The following SERTAD4 variants were observed in gnomAD, a reference collection of about 807,000 sequenced individuals.
The protein encoded by SERTAD4 is SERTA domain containing 4, also known as SERTA domain-containing protein 4.
Under a neutral mutation model 32.9 loss-of-function variants are expected in SERTAD4, and 18 were observed. That is an observed-to-expected ratio of 0.55 (90% confidence interval 0.38 to 0.81). The LOEUF is 0.81. Ranked by LOEUF, SERTAD4 falls within the 30% of genes least tolerant of loss-of-function variation. SERTAD4 has a pLI of 0.00. For synonymous variants in SERTAD4, 150 were observed against 156.4 expected (o/e 0.96, Z 0.30); for missense variants, 383 against 426.0 (o/e 0.90, Z 0.89).
Position 210,243,022 on chromosome 1 carries a change from TTTATC to T in SERTAD4, c.*689_*693del, listed in dbSNP as rs773018835. The T allele has an allele frequency of 6.1e-6, 6 of 984,326 alleles. No individual in the cohort carries two copies. The highest frequency in any genetic ancestry group is 7.2e-6 in the Non-Finnish European group (6 of 829,770). The allele number at this position is 984,326 out of a possible 1,614,324, so 61.0% of individuals were successfully genotyped here. A position where few individuals can be genotyped will look rare whatever the true frequency, so the allele number is the denominator to read the frequency against. ...ACAGGGCGATTTTTGGTGCCTTACTTTTATCTTAATTTTTGCCAATGTGAAAATTA... is the reference window on the plus strand; with the variant it reads ...ACAGGGCGATTTTTGGTGCCTTACTTTTAATTTTTGCCAATGTGAAAATTA... On this transcript the variant is annotated 3_prime_UTR_variant, in exon 4 of 4. Coordinates refer to ENST00000367012, the MANE Select transcript of SERTAD4 (RefSeq NM_019605.5).
At chr1:210,233,563 C>T in intron 1 of SERTAD4, 1 of 408,392 alleles carries the variant, frequency 2.4e-6, no homozygotes, top group Non-Finnish European at 4.9e-6. Flanking sequence ...CCGCCACCTC[C>T]GCCCCCGCAC....
In SERTAD4 at chr1:210,245,940, C is replaced by CT. The variant is rs964746431; in HGVS notation, c.*3609dup. 6 of 984,728 alleles carry CT rather than the reference C, an allele frequency of 6.1e-6. No homozygotes were observed. Among genetic ancestry groups the CT allele is most frequent in the South Asian group, 9.4e-5 (2 of 21,276 alleles). The allele number at this position is 984,728 out of a possible 1,614,324, so 61.0% of individuals were successfully genotyped here. Reference sequence around the variant, plus strand: ...CTTCTAACAAATGGTGAGCAGGAGACTTTTTTGGAAATAATTAGTTGTGAA... The same window carrying CT: ...CTTCTAACAAATGGTGAGCAGGAGACTTTTTTTGGAAATAATTAGTTGTGAA... On this transcript the variant is annotated 3_prime_UTR_variant, in exon 4 of 4. Coordinates refer to ENST00000367012, the MANE Select transcript of SERTAD4 (RefSeq NM_019605.5).
Position 210,245,093 on chromosome 1 carries a change from T to G in SERTAD4, c.*2756T>G, listed in dbSNP as rs150434243. The G allele has an allele frequency of 4.0e-4, 61 of 152,258 alleles. No individual in the cohort carries two copies. Among genetic ancestry groups the G allele is most frequent in the African/African-American group, 1.4e-3 (58 of 41,538 alleles). 9.4% of individuals were successfully genotyped at this position (152,258 alleles called of 1,614,324 possible). ...AGGACACCCTTCATAGTAAGTTATA[T>G]CTCTTAACTGGATTCTATAGTTTTA... On this transcript the variant is annotated 3_prime_UTR_variant, in exon 4 of 4. Coordinates refer to ENST00000367012, the MANE Select transcript of SERTAD4 (RefSeq NM_019605.5).
Position 210,243,618 on chromosome 1 carries a change from C to G in SERTAD4, c.*1281C>G, listed in dbSNP as rs966879269. On this transcript the variant is annotated 3_prime_UTR_variant, in exon 4 of 4. Transcript: ENST00000367012. The stretch of plus-strand genomic sequence containing the variant: ...TAATAGTTACTATGTATTTGGTCTA[C>G]ATTTTCCAAATAATATCTTTAACTT... 1.3e-5 allele frequency: 2 copies of G among 152,138 alleles called. No individual in the cohort carries two copies. The highest frequency in any genetic ancestry group is 2.9e-5 in the Non-Finnish European group (2 of 68,016). 9.4% of individuals were successfully genotyped at this position (152,138 alleles called of 1,614,324 possible). A position where few individuals can be genotyped will look rare whatever the true frequency, so the allele number is the denominator to read the frequency against.
In SERTAD4 at chr1:210,242,061, C is replaced by A. The variant is rs1281886340; in HGVS notation, c.795C>A (p.Ile265=). 1 of 1,614,120 alleles carries A rather than the reference C, an allele frequency of 6.2e-7. No homozygotes were observed. The highest frequency in any genetic ancestry group is 8.5e-7 in the Non-Finnish European group (1 of 1,180,032). ...ATGGCCAGATACCTGCCAATGAAAT[C>A]TTTGTCACTAATGTCAGATCACTTG... ...KSDGQIPANE[I]FVTNVRSLGV... Residue 265 remains isoleucine (I), a synonymous_variant, in exon 4 of 4, where the codon ATC becomes ATA. Transcript: ENST00000367012. The surrounding 1 kb of genome is among the most constrained non-coding windows in gnomAD (Gnocchi z 4.0).
chr1:210,241,546 T>TGGTTTG lies in SERTAD4; in HGVS notation c.292-12_292-11insGGTTTG. 2.7e-6 allele frequency: 4 copies of TGGTTTG among 1,487,418 alleles called. No homozygotes were observed. The highest frequency in any genetic ancestry group is 2.1e-4 in the Middle Eastern group (1 of 4,784). 92.1% of individuals were successfully genotyped at this position (1,487,418 alleles called of 1,614,324 possible). Reference sequence around the variant, plus strand: ...TGTTTGTTTTTTTCTTTTTTTTTTTTTTGGTTTGTAGACCATCTCAATTTT... The same window carrying TGGTTTG: ...TGTTTGTTTTTTTCTTTTTTTTTTTTGGTTTGTTGGTTTGTAGACCATCTCAATTTT... On this transcript the variant is annotated splice_polypyrimidine_tract_variant and intron_variant, in intron 3 of 3. Coordinates refer to ENST00000367012, the MANE Select transcript of SERTAD4 (RefSeq NM_019605.5).
At position 210,245,580 on chromosome 1, in the gene SERTAD4, T is replaced by C. The variant is rs2084040828; in HGVS notation, c.*3243T>C. On this transcript the variant is annotated 3_prime_UTR_variant, in exon 4 of 4. Transcript: ENST00000367012. ...ACCAGCAGATGCCACTACCTGGCAA[T>C]GAATTGAAAATTAGGGGAAAGCATC... The C allele has an allele frequency of 6.3e-6, 1 of 157,508 alleles. No homozygotes were observed. Among genetic ancestry groups the C allele is most frequent in the Non-Finnish European group, 1.4e-5 (1 of 72,924 alleles). The allele number at this position is 157,508 out of a possible 1,614,324, so 9.8% of individuals were successfully genotyped here. A position where few individuals can be genotyped will look rare whatever the true frequency, so the allele number is the denominator to read the frequency against.
At chr1:210,234,271 T>C (rs2083918819) in intron 1 of SERTAD4, among the ~76,000 whole-genome samples, 1 of 151,646 alleles carries the variant, frequency 6.6e-6, no homozygotes, top group Non-Finnish European at 1.5e-5. Flanking sequence ...CCTCCAAACC[T>C]CGGACCCCAC....
chr1:210,241,553 TG>T lies in SERTAD4; in HGVS notation c.292-4del, dbSNP rs1571550602. 6 of 1,535,210 alleles carry T rather than the reference TG, an allele frequency of 3.9e-6. No homozygotes were observed. The highest frequency in any genetic ancestry group is 2.7e-5 in the South Asian group (2 of 75,210). ...TTTTTTCTTTTTTTTTTTTTTGGTTTGTAGACCATCTCAATTTTTGAGGAAC... is the reference window on the plus strand; with the variant it reads ...TTTTTTCTTTTTTTTTTTTTTGGTTTTAGACCATCTCAATTTTTGAGGAAC... On this transcript the variant is annotated splice_polypyrimidine_tract_variant and splice_region_variant and intron_variant, in intron 3 of 3. Transcript: ENST00000367012.
At position 210,236,094 on chromosome 1, in the gene SERTAD4, AC is replaced by A. The variant is rs34846160; in HGVS notation, c.-17-1847del. On this transcript the variant is annotated intron_variant, in intron 1 of 3. Transcript: ENST00000367012. The stretch of plus-strand genomic sequence containing the variant: ...GGAATAAATCATCATGAAGTTTGAT[AC>A]CCTACTTGGATGAGGAGTTTGAGAA... Among the ~76,000 whole-genome samples the A allele has an allele frequency of 1.2e-3, 176 of 152,362 alleles. 2 individuals are homozygous for A. The highest frequency in any genetic ancestry group is 4.0e-3 in the African/African-American group (166 of 41,586).
rs542431670 is a variant in SERTAD4 at position 210,236,174 on chromosome 1, T to C, written c.-17-1770T>C. Reference sequence around the variant, plus strand: ...AATCAATGTAGGCTAAATTTCTTTGTTGATGACTCAAAGAGAAAAATAAAT... The same window carrying C: ...AATCAATGTAGGCTAAATTTCTTTGCTGATGACTCAAAGAGAAAAATAAAT... On this transcript the variant is annotated intron_variant, in intron 1 of 3. Coordinates refer to ENST00000367012, the MANE Select transcript of SERTAD4 (RefSeq NM_019605.5). Among the ~76,000 whole-genome samples the C allele has an allele frequency of 3.3e-5, 5 of 152,372 alleles. No individual in the cohort carries two copies. The East Asian group carries it at 9.6e-4, about 29-fold the overall frequency.
In SERTAD4 at chr1:210,241,711, T is replaced by G. The variant is rs2083996924; in HGVS notation, c.445T>G (p.Trp149Gly). ...TGGAGAAATTATCATGCAGAATAAC[T>G]GGTGCTTCCCTGCCTGCTCTTTCAA... ...IHGEIIMQNN[W>G]CFPACSFNGT... The change falls in exon 4 of 4, where the codon TGG becomes GGG. Residue 149 changes from tryptophan (W) to glycine (G), a missense_variant. This residue lies in a region of SERTAD4 where 107 missense variants were observed against 158.8 expected (regional missense o/e 0.67). Coordinates refer to ENST00000367012, the MANE Select transcript of SERTAD4 (RefSeq NM_019605.5). The G allele has an allele frequency of 1.9e-6, 3 of 1,614,010 alleles. No individual in the cohort carries two copies. Among genetic ancestry groups the G allele is most frequent in the Admixed American group, 1.7e-5 (1 of 59,998 alleles).
Position 210,241,852 on chromosome 1 carries a change from G to T in SERTAD4, c.586G>T (p.Gly196Cys), listed in dbSNP as rs775194130. 3.1e-6 allele frequency: 5 copies of T among 1,613,936 alleles called. No individual in the cohort carries two copies. The highest frequency in any genetic ancestry group is 3.3e-5 in the Admixed American group (2 of 59,968). Residue 196 changes from glycine (G) to cysteine (C), a missense_variant, in exon 4 of 4, where the codon GGT becomes TGT. Gly to Cys is a radical substitution (Grantham distance 159). Around this residue, in one of 3 missense-constraint regions of SERTAD4, gnomAD observed 180 missense variants for 190.6 expected, o/e 0.94. Transcript: ENST00000367012. ...TGCCTGCTGCTTTTACCAAGAATGT[G>T]GTGGCCACTACCTAAATTTACCCCT... is the stretch of plus-strand genomic sequence containing the variant. ...FHACCFYQEC[G>C]GHYLNLPLSV...
chr1:210,233,018 GC>G lies in SERTAD4; in HGVS notation c.-18+9del, dbSNP rs1352946656. 1 of 151,048 alleles carries G rather than the reference GC, an allele frequency of 6.6e-6. No individual in the cohort carries two copies. Among genetic ancestry groups the G allele is most frequent in the East Asian group, 2.0e-4 (1 of 5,120 alleles). 9.4% of individuals were successfully genotyped at this position (151,048 alleles called of 1,614,324 possible). A position where few individuals can be genotyped will look rare whatever the true frequency, so the allele number is the denominator to read the frequency against. ...CCTCCCCGCTGACCCCGCGGTAAGA[GC>G]CGGGCTGGGCGCGGGCCGCGGGGGC... On this transcript the variant is annotated splice_region_variant and intron_variant, in intron 1 of 3. Coordinates refer to ENST00000367012, the MANE Select transcript of SERTAD4 (RefSeq NM_019605.5).
rs1241287325 is a variant in SERTAD4, at chr1:210,243,134, TG to T, written c.*799del. The T allele has an allele frequency of 1.0e-6, 1 of 977,304 alleles. No individual in the cohort carries two copies. The highest frequency in any genetic ancestry group is 1.8e-5 in the African/African-American group (1 of 55,930). The allele number at this position is 977,304 out of a possible 1,614,324, so 60.5% of individuals were successfully genotyped here. A position where few individuals can be genotyped will look rare whatever the true frequency, so the allele number is the denominator to read the frequency against. On this transcript the variant is annotated 3_prime_UTR_variant, in exon 4 of 4. Transcript: ENST00000367012. ...AAAAAAACCACAGGGTGGATCAATA[TG>T]GTTTGGAAACTGTTAACTTTGAACT...
intron 3 of SERTAD4, among the ~76,000 whole-genome samples, chr1:210,239,829 A>G (rs148037533): frequency 1.0e-3 from 152 of 152,330 alleles, no homozygotes; most frequent in African/African-American, 3.5e-3. Flanking sequence ...CAGAAATGTC[A>G]AAATTATGTA....
rs894198659 is a variant in SERTAD4 at position 210,237,969 on chromosome 1, G to C, written c.9G>C (p.Leu3=). MT[L]VLSMNRFCEP... ...ATCTGAGGCTGTCAGAGATGACTCT[G>C]GTTCTGTCCATGAATAGATTCTGCG... Residue 3 remains leucine (L), a synonymous_variant, in exon 2 of 4, where the codon CTG becomes CTC. Transcript: ENST00000367012. 27 of 1,607,158 alleles carry C rather than the reference G, an allele frequency of 1.7e-5. No individual in the cohort carries two copies. The highest frequency in any genetic ancestry group is 2.0e-5 in the Non-Finnish European group (24 of 1,175,682).
At chr1:210,236,256 G>A (rs1427899780) in intron 1 of SERTAD4, among the ~76,000 whole-genome samples, 1 of 152,158 alleles carries the variant, frequency 6.6e-6, no homozygotes, top group Admixed American at 6.5e-5. Flanking sequence ...TTGCCCACTT[G>A]TTTTAAGGTT....
intron 1 of SERTAD4, chr1:210,233,974 A>G (rs1336075121): frequency 2.6e-6 from 1 of 382,766 alleles, no homozygotes; most frequent in Non-Finnish European, 5.1e-6. Flanking sequence ...TTCCCTTAGA[A>G]GGAAACTTGG....
Sources: gnomAD v4.1 joint callset for allele counts (sites outside exome capture counted in the v4.1 genomes callset) on GRCh38, gnomAD v4.1.1 for gene constraint, gnomAD v4.1.1 regional missense constraint, Gnocchi (gnomAD v3.1) non-coding constraint, MANE v1.5 for transcripts, NCBI Gene and HGNC (gene_info 2026-07-23, HGNC 2026-07-21) for gene names.